Variants in NTRK1 observed in about 807,000 individuals in gnomAD.
NTRK1 encodes high affinity nerve growth factor receptor.
A neutral mutation model predicts 86.8 loss-of-function variants in NTRK1; 62 were observed. That is an observed-to-expected ratio of 0.71 (90% CI 0.58 to 0.88). The LOEUF (loss-of-function observed/expected upper bound fraction) is 0.88. NTRK1 is among the 40% of genes least tolerant of loss of function. The pLI is 0.00. For synonymous variants in NTRK1, 469 were observed against 456.6 expected (o/e 1.03, Z -0.35); for missense variants, 967 against 1,078.4 (o/e 0.90, Z 1.45).
At chr1:156,872,900 A>G (rs1485246698) in intron 7 of NTRK1, among the ~76,000 whole-genome samples, 11 of 151,688 alleles carry the variant, frequency 7.3e-5, no homozygotes, top group Non-Finnish European at 1.5e-5. Context: ...GATGGTCTCG[A>G]TCTCCTGACC....
chr1:156,842,405 T>C, intron 2 of NTRK1: 1 of 1,613,892 alleles, frequency 6.2e-7, no homozygotes, highest in Non-Finnish European at 8.5e-7. Context: ...TACCTCTGCC[T>C]CAGGCCGCAA....
intron 1 of NTRK1, among the ~76,000 whole-genome samples, chr1:156,832,162 C>A (rs1047591449): frequency 2.0e-5 from 3 of 152,300 alleles, no homozygotes; most frequent in Middle Eastern, 3.4e-3. Context: ...TATGTTGAAC[C>A]AAGATTCAGT....
chr1:156,848,906 G>A, intron 2 of NTRK1: 3 of 1,478,948 alleles, frequency 2.0e-6, no homozygotes, highest in Non-Finnish European at 1.8e-6. Context: ...CTCCGGCCCC[G>A]CCCCCGGCAC....
At chr1:156,878,717 G>A (rs1007718465) in intron 14 of NTRK1, among the ~76,000 whole-genome samples, 1 of 152,172 alleles carries the variant, frequency 6.6e-6, no homozygotes, top group African/African-American at 2.4e-5. Context: ...GACAATCAAG[G>A]ACTCCCTGGT....
intron 12 of NTRK1, 84 bp downstream of exon 12, chr1:156,875,750 C>G: frequency 6.6e-7 from 1 of 1,524,674 alleles, no homozygotes; most frequent in East Asian, 2.3e-5. Context: ...AGCCCCTAGG[C>G]CTGAACGATC....
chr1:156,841,969 C>T (rs1654807134), intron 1 of NTRK1: 27 of 1,554,088 alleles, frequency 1.7e-5, no homozygotes, highest in Non-Finnish European at 2.4e-5. Context: ...TGCCCTTGGA[C>T]AAGAGACTAA....
At chr1:156,851,528 C>G (rs1274711142) in intron 2 of NTRK1, 2 of 1,604,274 alleles carry the variant, frequency 1.2e-6, no homozygotes, top group Non-Finnish European at 1.7e-6. Flanking sequence ...AAGGTGGGCC[C>G]TCAGGACTGG....
intron 2 of NTRK1, chr1:156,853,654 C>T (rs1314007306): frequency 2.5e-6 from 3 of 1,182,574 alleles, no homozygotes; most frequent in Non-Finnish European, 2.4e-6. Context: ...AAAACAGTGG[C>T]AGCTGAAAGT....
chr1:156,859,384 T>C (rs936563901), upstream of NTRK1, among the ~76,000 whole-genome samples: 3 of 152,046 alleles, frequency 2.0e-5, no homozygotes. The surrounding 1 kb of genome is among the most constrained non-coding windows in gnomAD (Gnocchi z 6.2). Context: ...TTCTTCCAAG[T>C]GGGGCTGCAC....
intron 8 of NTRK1, 83 bp from the exon 9 acceptor site, chr1:156,874,300 G>T (rs1174553432): frequency 6.3e-7 from 1 of 1,581,140 alleles, no homozygotes; most frequent in Non-Finnish European, 8.7e-7. Context: ...CCCAGAGTAG[G>T]CAGGGGACTC....
chr1:156,875,204 T>C (rs1197242888), intron 11 of NTRK1, among the ~76,000 whole-genome samples, 196 bp downstream of exon 11: 1 of 151,126 alleles, frequency 6.6e-6, no homozygotes, highest in Non-Finnish European at 1.5e-5. Context: ...GTCGGGCTGG[T>C]GCTGGGGTAG....
At chr1:156,816,825 C>G (rs193016330) in intron 1 of NTRK1, 1 of 953,634 alleles carries the variant, frequency 1.0e-6, no homozygotes, top group Non-Finnish European at 1.5e-6. Context: ...CAGGAAATGT[C>G]GCCTTACCCA....
upstream of NTRK1, chr1:156,858,588 A>G: frequency 6.2e-7 from 1 of 1,614,090 alleles, no homozygotes; most frequent in Non-Finnish European, 8.5e-7. Flanking sequence ...ACAGGCAGGC[A>G]TGCTCCCCAG....
At chr1:156,857,722 G>A (rs1655459916), upstream of NTRK1, among the ~76,000 whole-genome samples, 1 of 152,222 alleles carries the variant, frequency 6.6e-6, no homozygotes, top group Admixed American at 6.5e-5. Context: ...CCCCCAGTCT[G>A]AGGGGCATCA....
chr1:156,816,139 A>G lies in NTRK1; in HGVS notation c.-64+301A>G, dbSNP rs542482133. The G allele has an allele frequency of 6.3e-6, 10 of 1,575,628 alleles. No individual in the cohort carries two copies. In the East Asian group the frequency reaches 9.1e-5, roughly 14 times the overall value. ...TGCCGGGGTTTCTCAGAGAGGAACT[A>G]TGTCTGTCTCTGCCTCCCACCCCTC... On this transcript the variant is annotated intron_variant, in intron 1 of 16. Coordinates refer to the NTRK1 transcript ENST00000392302.
intron 1 of NTRK1, chr1:156,841,593 G>A: frequency 6.2e-7 from 1 of 1,610,612 alleles, no homozygotes; most frequent in Non-Finnish European, 8.5e-7. Flanking sequence ...TCCAAGGGAT[G>A]GGGGTGTTCC....
chr1:156,858,394 G>T, upstream of NTRK1: 1 of 668,312 alleles, frequency 1.5e-6, no homozygotes, highest in East Asian at 2.7e-5. Flanking sequence ...TTTTCCTGCT[G>T]GGCAGTTCTC....
chr1:156,849,513 G>GGGGGGGC, intron 2 of NTRK1: 9 of 486,114 alleles, frequency 1.9e-5, no homozygotes, highest in Non-Finnish European at 2.5e-5. Context: ...CAGGGGGTGG[G>GGGGGGGC]AAAGGGGATG....
intron 2 of NTRK1, among the ~76,000 whole-genome samples, chr1:156,853,271 T>G (rs1655291042): frequency 6.6e-6 from 1 of 152,198 alleles, no homozygotes; most frequent in Non-Finnish European, 1.5e-5. Context: ...AACATAGAAC[T>G]GCTACCATGA....
Sources: allele counts gnomAD v4.1 joint callset (sites outside exome capture counted in the v4.1 genomes callset), GRCh38; gene constraint gnomAD v4.1.1; non-coding constraint Gnocchi (gnomAD v3.1); transcripts MANE v1.5; gene names NCBI Gene and HGNC (gene_info 2026-07-23, HGNC 2026-07-21).